UBE2W: variants seen among roughly 807,000 people sequenced by gnomAD.
The protein encoded by UBE2W is ubiquitin conjugating enzyme E2 W, also known as ubiquitin-conjugating enzyme E2 W.
In UBE2W, 18 loss-of-function variants were observed where a neutral mutation model predicts 27.2. The ratio of observed to expected loss-of-function variants is 0.66; its 90% CI spans 0.46 to 0.98. The LOEUF is 0.98. UBE2W is among the 50% of genes least tolerant of loss of function. The pLI is 0.00. For missense variants in UBE2W, 90 were observed against 180.2 expected (o/e 0.50, Z 2.87); for synonymous variants, 53 against 57.2 (o/e 0.93, Z 0.33).
Position 73,830,468 on chromosome 8 carries a change from C to A in UBE2W, c.20G>T (p.Arg7Leu). The A allele has an allele frequency of 6.2e-7, 1 of 1,613,156 alleles. No homozygotes were observed. The highest frequency in any genetic ancestry group is 1.1e-5 in the South Asian group (1 of 91,014). ...CAAAGCCAACAGTTCTTTCTGTAGT[C>A]GTTTCTAGAAAAGAACATCAATAAT... is the stretch of plus-strand genomic sequence containing the variant. The part of the protein sequence containing the change: MASMQK[R>L]LQKELLALQN... The change falls in exon 2 of 6, where the codon CGA (arginine) becomes CTA (leucine). Residue 7 changes from arginine to leucine, a missense_variant. By Grantham distance (102) the Arg-to-Leu change is moderately radical (BLOSUM62 -2). Coordinates refer to ENST00000602593, the MANE Select transcript of UBE2W (RefSeq NM_018299.6).
intron 5 of UBE2W, among the ~76,000 whole-genome samples, chr8:73,800,426 T>G (rs1808589382): frequency 1.3e-5 from 2 of 152,112 alleles, no homozygotes; most frequent in South Asian, 4.1e-4. Flanking sequence ...CCAAGGATAT[T>G]TTAAACAAAA....
chr8:73,785,651 G>C (rs1046135433), downstream of UBE2W, among the ~76,000 whole-genome samples: 2 of 152,116 alleles, frequency 1.3e-5, no homozygotes, highest in African/African-American at 4.8e-5. Context: ...GAGTGCAATG[G>C]CATGATCTTA....
chr8:73,784,332 T>C (rs917986519), downstream of UBE2W, among the ~76,000 whole-genome samples: 1 of 152,182 alleles, frequency 6.6e-6, no homozygotes, highest in African/African-American at 2.4e-5. Flanking sequence ...TGCCTGATCA[T>C]AGTTCCTTGA....
chr8:73,878,784 C>T (rs372910553), intron 1 of UBE2W, 24 bp downstream of exon 1: 86 of 1,542,756 alleles, frequency 5.6e-5, no homozygotes, highest in Non-Finnish European at 7.3e-5. Context: ...CCTGGCCCGC[C>T]CAGATGCAGC....
downstream of UBE2W, among the ~76,000 whole-genome samples, chr8:73,781,563 G>A (rs978737958): frequency 2.0e-5 from 3 of 150,336 alleles, no homozygotes; most frequent in Admixed American, 1.3e-4. Flanking sequence ...GTTATCTCAA[G>A]TATAAGTGTA....
intron 1 of UBE2W, among the ~76,000 whole-genome samples, chr8:73,842,401 C>T (rs1586507816): frequency 6.6e-6 from 1 of 151,330 alleles, no homozygotes; most frequent in Admixed American, 6.6e-5. Context: ...TGGTGGCGGG[C>T]GCCTGTAGTC....
intron 1 of UBE2W, among the ~76,000 whole-genome samples, chr8:73,850,420 TACA>T (rs1455424056): frequency 2.6e-5 from 4 of 152,154 alleles, no homozygotes; most frequent in African/African-American, 4.8e-5. Flanking sequence ...GAAAATGTGT[TACA>T]ACATTTAAAC....
At chr8:73,830,756 G>C (rs563826333) in intron 1 of UBE2W, among the ~76,000 whole-genome samples, 2 of 152,132 alleles carry the variant, frequency 1.3e-5, no homozygotes, top group East Asian at 3.9e-4. Context: ...AAAGTGCTGA[G>C]ATTACAAGTG....
At chr8:73,864,701 C>T (rs1357602416) in intron 1 of UBE2W, among the ~76,000 whole-genome samples, 7 of 128,954 alleles carry the variant, frequency 5.4e-5, no homozygotes, top group African/African-American at 1.5e-4. Context: ...CTCAGCCTCC[C>T]GAGTAGCTGG....
intron 1 of UBE2W, among the ~76,000 whole-genome samples, chr8:73,860,574 A>G (rs572670094): frequency 2.0e-5 from 3 of 152,342 alleles, no homozygotes; most frequent in Non-Finnish European, 2.9e-5. Flanking sequence ...CGAAAGAGGT[A>G]AAACATGATA....
intron 1 of UBE2W, among the ~76,000 whole-genome samples, chr8:73,859,962 A>T (rs925428954): frequency 6.6e-6 from 1 of 152,220 alleles, no homozygotes; most frequent in African/African-American, 2.4e-5. Context: ...CATTTGGAAA[A>T]GGAATACCAT....
At position 73,790,635 on chromosome 8, in the gene UBE2W, A is replaced by T. The variant is rs368121086; in HGVS notation, c.*3467T>A. On this transcript the variant is annotated 3_prime_UTR_variant, in exon 6 of 6. Coordinates refer to ENST00000602593, the MANE Select transcript of UBE2W (RefSeq NM_018299.6). ...ACTAGTGACACTGAATTCTTTATTT[A>T]AAAAAATTTTTGTAACACACAGTAC... 1 of 984,662 alleles carries T rather than the reference A, an allele frequency of 1.0e-6. No homozygotes were observed. Among genetic ancestry groups the T allele is most frequent in the Non-Finnish European group, 1.2e-6 (1 of 829,382 alleles). 61.0% of individuals were successfully genotyped at this position (984,662 alleles called of 1,614,324 possible).
chr8:73,871,847 C>T (rs1812019726), intron 1 of UBE2W, among the ~76,000 whole-genome samples: 1 of 152,096 alleles, frequency 6.6e-6, no homozygotes, highest in Non-Finnish European at 1.5e-5. Flanking sequence ...GAGACAGGGT[C>T]TCACTCTGTC....
At chr8:73,866,441 A>G (rs1283852486) in intron 1 of UBE2W, among the ~76,000 whole-genome samples, 2 of 150,944 alleles carry the variant, frequency 1.3e-5, no homozygotes, top group African/African-American at 4.9e-5. Context: ...TGATACTATC[A>G]AACCTGATGG....
At chr8:73,834,867 C>T (rs189374409) in intron 1 of UBE2W, among the ~76,000 whole-genome samples, 383 of 152,154 alleles carry the variant, frequency 2.5e-3, no homozygotes, top group Non-Finnish European at 4.6e-3. Context: ...CTAGATCACG[C>T]GAATGCACTG....
chr8:73,797,841 C>T (rs1300286680), intron 5 of UBE2W, among the ~76,000 whole-genome samples: 2 of 152,210 alleles, frequency 1.3e-5, no homozygotes, highest in African/African-American at 4.8e-5. Flanking sequence ...CAATCTTCAA[C>T]AAACAGGAGC....
intron 1 of UBE2W, among the ~76,000 whole-genome samples, chr8:73,870,971 C>G (rs1280881242): frequency 6.6e-6 from 1 of 151,856 alleles, no homozygotes; most frequent in Non-Finnish European, 1.5e-5. Context: ...GTTAAGACCT[C>G]CTAGGCTATA....
At chr8:73,846,665 A>G (rs929949609) in intron 1 of UBE2W, among the ~76,000 whole-genome samples, 1 of 151,924 alleles carries the variant, frequency 6.6e-6, no homozygotes, top group Non-Finnish European at 1.5e-5. Flanking sequence ...TTTGGATGGG[A>G]TAAGAATATG....
chr8:73,791,281 AG>A lies in UBE2W; in HGVS notation c.*2820del, dbSNP rs1232035868. 8.1e-3 allele frequency: 7,901 copies of A among 981,022 alleles called. 502 individuals are homozygous for A. In the African/African-American group the frequency reaches 0.13, roughly 16 times the overall value. The allele number at this position is 981,022 out of a possible 1,614,324, so 60.8% of individuals were successfully genotyped here. A position where few individuals can be genotyped will look rare whatever the true frequency, so the allele number is the denominator to read the frequency against. The stretch of plus-strand genomic sequence containing the variant: ...ACTTGACCAAAGAAAAAAAAAAAAA[AG>A]AAGGGCATCATGTTCATGATCTAAG... On this transcript the variant is annotated 3_prime_UTR_variant, in exon 6 of 6. Coordinates refer to ENST00000602593, the MANE Select transcript of UBE2W (RefSeq NM_018299.6).
Sources: gnomAD v4.1 joint callset for allele counts (sites outside exome capture counted in the v4.1 genomes callset) on GRCh38, gnomAD v4.1.1 for gene constraint, MANE v1.5 for transcripts, NCBI Gene and HGNC (gene_info 2026-07-23, HGNC 2026-07-21) for gene names.